The following FRS2 variants were observed in gnomAD, a reference collection of about 807,000 sequenced individuals.
The protein encoded by FRS2 is FGFR signalling adaptor.
FRS2 carries 8 observed loss-of-function variants against 43.9 expected under a neutral mutation model. The observed-to-expected ratio is 0.18, with a 90% CI of 0.11 to 0.33. FRS2 has a LOEUF of 0.33. FRS2 is among the 10% of genes least tolerant of loss of function. The probability of loss-of-function intolerance (pLI) is 1.00; values close to 1 mark genes in which losing one functional copy is unlikely to be tolerated. For missense variants in FRS2, 534 were observed against 627.6 expected (o/e 0.85, Z 1.59); for synonymous variants, 219 against 220.3 (o/e 0.99, Z 0.05).
At chr12:69,561,539 T>C (rs1047139283) in intron 3 of FRS2, among the ~76,000 whole-genome samples, 1 of 152,186 alleles carries the variant, frequency 6.6e-6, no homozygotes, top group Admixed American at 6.5e-5. Flanking sequence ...GTAAATAAAT[T>C]GACCAGAAAT....
rs151295024 is a variant in FRS2 at position 69,538,197 on chromosome 12, TTATATATA to T, written c.-122+6160_-122+6167del. On this transcript the variant is annotated intron_variant, in intron 3 of 8. Transcript: ENST00000549921. ...AATAATAAAATTAAAAAAACAAATT[TTATATATA>T]TATATATATATATATATAGCATTGC... is the stretch of plus-strand genomic sequence containing the variant. Among the ~76,000 whole-genome samples the T allele has an allele frequency of 1.5e-3, 120 of 81,618 alleles. 4 individuals are homozygous for T. Among genetic ancestry groups the T allele is most frequent in the African/African-American group, 5.1e-3 (92 of 18,140 alleles). The allele number at this position is 81,618 out of a possible 152,430, so 53.5% of individuals were successfully genotyped here. A position where few individuals can be genotyped will look rare whatever the true frequency, so the allele number is the denominator to read the frequency against.
At chr12:69,559,490 G>T (rs552140546) in intron 3 of FRS2, among the ~76,000 whole-genome samples, 42 of 152,162 alleles carry the variant, frequency 2.8e-4, no homozygotes, top group Non-Finnish European at 4.7e-4. Context: ...TTAGGAATGT[G>T]CAAATACAAC....
At chr12:69,542,941 C>T (rs182384356) in intron 3 of FRS2, among the ~76,000 whole-genome samples, 3 of 152,276 alleles carry the variant, frequency 2.0e-5, no homozygotes, top group South Asian at 4.1e-4. Flanking sequence ...GACTCTTAGG[C>T]AGTTAACTTA....
chr12:69,492,491 GGAAAT>G (rs1265059041), intron 1 of FRS2, among the ~76,000 whole-genome samples: 3 of 152,134 alleles, frequency 2.0e-5, no homozygotes, highest in Non-Finnish European at 4.4e-5. Flanking sequence ...CTGAGAAAAA[GGAAAT>G]GGAATGGAAA....
Position 69,566,618 on chromosome 12 carries a change from A to T in FRS2, c.-26-2387A>T, listed in dbSNP as rs909435394. On this transcript the variant is annotated intron_variant, in intron 4 of 8. Transcript: ENST00000549921. ...GCGAAATTCCGTCTTGGGGGATTTAAAAAAAAAAAGAATATGTGCCATGTA... is the reference window on the plus strand; with the variant it reads ...GCGAAATTCCGTCTTGGGGGATTTATAAAAAAAAAGAATATGTGCCATGTA... Among the ~76,000 whole-genome samples, 6 of 25,426 alleles carry T rather than the reference A, an allele frequency of 2.4e-4. No homozygotes were observed. In the South Asian group the frequency reaches 4.5e-3, roughly 19 times the overall value. 16.7% of individuals were successfully genotyped at this position (25,426 alleles called of 152,430 possible). A position where few individuals can be genotyped will look rare whatever the true frequency, so the allele number is the denominator to read the frequency against.
intron 3 of FRS2, among the ~76,000 whole-genome samples, chr12:69,557,347 T>C (rs1408871363): frequency 2.6e-5 from 4 of 152,228 alleles, no homozygotes. Context: ...AGATCAAATC[T>C]ATTCATTCAG....
At chr12:69,550,854 T>C (rs1261429518) in intron 3 of FRS2, among the ~76,000 whole-genome samples, 1 of 152,224 alleles carries the variant, frequency 6.6e-6, no homozygotes, top group African/African-American at 2.4e-5. Flanking sequence ...CCAATATTCT[T>C]TGTAGCTGTT....
Position 69,470,427 on chromosome 12 carries a change from C to T in FRS2, c.-364C>T. On this transcript the variant is annotated 5_prime_UTR_variant, in exon 1 of 9. Transcript: ENST00000549921. ...GAGAGAGGCCTTGTAGGCACAGCGG[C>T]TGAGACTCGATCTGCTCCAAGTAGG... The T allele has an allele frequency of 2.5e-6, 1 of 398,624 alleles. No homozygotes were observed. Among genetic ancestry groups the T allele is most frequent in the Non-Finnish European group, 4.4e-6 (1 of 226,074 alleles). The allele number at this position is 398,624 out of a possible 1,614,324, so 24.7% of individuals were successfully genotyped here.
At chr12:69,488,245 A>G (rs1872135071) in intron 1 of FRS2, among the ~76,000 whole-genome samples, 1 of 152,168 alleles carries the variant, frequency 6.6e-6, no homozygotes, top group Non-Finnish European at 1.5e-5. Context: ...TTGTGAAAGG[A>G]AGAGTCATTT....
Position 69,578,778 on chromosome 12 carries a change from C to T in FRS2, c.*3823C>T, listed in dbSNP as rs1881358585. 1 of 152,570 alleles carries T rather than the reference C, an allele frequency of 6.6e-6. No homozygotes were observed. The highest frequency in any genetic ancestry group is 6.5e-5 in the Admixed American group (1 of 15,274). The allele number at this position is 152,570 out of a possible 1,614,324, so 9.5% of individuals were successfully genotyped here. A position where few individuals can be genotyped will look rare whatever the true frequency, so the allele number is the denominator to read the frequency against. Reference sequence around the variant, plus strand: ...TTCCTACGTAAAGGCATAAATATAGCAACTTTGTATAAAGGTAGCTTATTA... The same window carrying T: ...TTCCTACGTAAAGGCATAAATATAGTAACTTTGTATAAAGGTAGCTTATTA... On this transcript the variant is annotated 3_prime_UTR_variant, in exon 9 of 9. Transcript: ENST00000549921.
Position 69,574,952 on chromosome 12 carries a change from G to T in FRS2, c.1524G>T (p.Met508Ile). The part of the protein sequence containing the change: ...KTRHNSTDLP[M>I] ...GACACAATAGTACTGATCTGCCCAT[G>T]TGAGCCTGGAAAGCATTGTGTTGTT... Residue 508 changes from methionine (M) to isoleucine (I), a missense_variant, in exon 9 of 9, where the codon ATG (methionine) becomes ATT (isoleucine). This residue lies in a region of FRS2 where 446 missense variants were observed against 494.2 expected (regional missense o/e 0.90). Coordinates refer to ENST00000549921, the MANE Select transcript of FRS2 (RefSeq NM_001278356.2). The T allele has an allele frequency of 6.3e-7, 1 of 1,588,728 alleles. No homozygotes were observed. The highest frequency in any genetic ancestry group is 8.6e-7 in the Non-Finnish European group (1 of 1,157,778).
chr12:69,562,406 C>G (rs1483149885), intron 4 of FRS2, 132 bp downstream of exon 4: 5 of 387,158 alleles, frequency 1.3e-5, no homozygotes, highest in Non-Finnish European at 2.3e-5. Flanking sequence ...TCAAGCGATT[C>G]TCCACCTCAG....
intron 1 of FRS2, among the ~76,000 whole-genome samples, chr12:69,520,498 A>G (rs988492941): frequency 2.0e-5 from 3 of 148,170 alleles, no homozygotes; most frequent in East Asian, 2.0e-4. Context: ...GCCGGTTCCT[A>G]TGTCCAGAAT....
chr12:69,496,639 G>A (rs571054627), intron 1 of FRS2, among the ~76,000 whole-genome samples: 1 of 152,270 alleles, frequency 6.6e-6, no homozygotes, highest in South Asian at 2.1e-4. Context: ...TAATAATAGT[G>A]TATAACAATT....
intron 3 of FRS2, among the ~76,000 whole-genome samples, chr12:69,542,762 C>T (rs1878031074): frequency 6.6e-6 from 1 of 152,160 alleles, no homozygotes; most frequent in Non-Finnish European, 1.5e-5. Context: ...TATTAAGTAC[C>T]TTTTAATGTT....
At chr12:69,519,557 C>T (rs1315215341) in intron 1 of FRS2, among the ~76,000 whole-genome samples, 1 of 150,922 alleles carries the variant, frequency 6.6e-6, no homozygotes, top group Non-Finnish European at 1.5e-5. Flanking sequence ...TCCCTCCTCC[C>T]ACCCTCCACC....
rs1872797181 is a variant in FRS2, at chr12:69,495,502, C to T, written c.-261+24972C>T. Reference sequence around the variant, plus strand: ...TATTTCCTTGTTGTATGGATACATGCACTAATACCTTTTGATTAACTACAT... The same window carrying T: ...TATTTCCTTGTTGTATGGATACATGTACTAATACCTTTTGATTAACTACAT... On this transcript the variant is annotated intron_variant, in intron 1 of 8. Transcript: ENST00000549921. 3.3e-5 allele frequency among the ~76,000 whole-genome samples: 5 copies of T among 152,144 alleles called. No homozygotes were observed. The South Asian group carries it at 1.0e-3, about 32-fold the overall frequency.
intron 3 of FRS2, among the ~76,000 whole-genome samples, chr12:69,532,363 C>A (rs1047455628): frequency 8.6e-5 from 13 of 152,046 alleles, no homozygotes; most frequent in African/African-American, 3.1e-4. Flanking sequence ...TCCATTGGGG[C>A]TCATTTATCT....
At chr12:69,509,314 T>TA (rs542280088) in intron 1 of FRS2, among the ~76,000 whole-genome samples, 244 of 152,286 alleles carry the variant, frequency 1.6e-3, no homozygotes, top group African/African-American at 5.7e-3. Flanking sequence ...GGAGGCCACT[T>TA]ATAAGAATTT....
Sources: gnomAD v4.1 joint callset for allele counts (sites outside exome capture counted in the v4.1 genomes callset) on GRCh38, gnomAD v4.1.1 for gene constraint, gnomAD v4.1.1 regional missense constraint, MANE v1.5 for transcripts, NCBI Gene and HGNC (gene_info 2026-07-23, HGNC 2026-07-21) for gene names.